Variants in PITPNM1 observed in about 807,000 individuals in gnomAD.
The protein encoded by PITPNM1 is membrane-associated phosphatidylinositol transfer protein 1.
A neutral mutation model predicts 133.3 loss-of-function variants in PITPNM1; 74 were observed. The ratio of observed to expected loss-of-function variants is 0.56; its 90% CI spans 0.46 to 0.67. The LOEUF is 0.67. PITPNM1 is among the 30% of genes least tolerant of loss of function. The pLI is 0.00. For synonymous variants in PITPNM1, 738 were observed against 741.4 expected, an observed-to-expected ratio of 1.00 and a Z score of 0.08; for missense variants, 1,398 against 1,739.5, an observed-to-expected ratio of 0.80 and a Z score of 3.49.
chr11:67,497,912 C>T lies in PITPNM1; in HGVS notation c.1782+5G>A. The T allele has an allele frequency of 1.9e-6, 3 of 1,610,174 alleles. No individual in the cohort carries two copies. The highest frequency in any genetic ancestry group is 2.5e-6 in the Non-Finnish European group (3 of 1,179,510). ...CCTGAGGAGGCCGGGTTTGGCTATACTGACCATGCTCCCACGGCGGCTGCT... is the reference window on the plus strand; with the variant it reads ...CCTGAGGAGGCCGGGTTTGGCTATATTGACCATGCTCCCACGGCGGCTGCT... On this transcript the variant is annotated splice_donor_5th_base_variant and intron_variant, in intron 12 of 23. Transcript: ENST00000356404.
chr11:67,498,621 C>A lies in PITPNM1; in HGVS notation c.1459G>T (p.Ala487Ser). Residue 487 changes from alanine to serine, a missense_variant, in exon 10 of 24, where the codon GCC (alanine) becomes TCC (serine). Physicochemically the swap from Ala to Ser is moderately conservative, Grantham distance 99. Coordinates refer to ENST00000356404, the MANE Select transcript of PITPNM1 (RefSeq NM_004910.3). This position sits in a 1 kb window ranked among gnomAD's most constrained non-coding sequence, Gnocchi z 5.7. Reference protein sequence around the residue: ...LRLVPCPPICAAAYALVSNLS... With the variant: ...LRLVPCPPICSAAYALVSNLS... Reference sequence around the variant, plus strand: ...TTGGAGACAAGGGCATAGGCGGCGGCGCAGATGGGTGGACAGGGCACCAGT... The same window carrying A: ...TTGGAGACAAGGGCATAGGCGGCGGAGCAGATGGGTGGACAGGGCACCAGT... 1 of 1,598,218 alleles carries A rather than the reference C, an allele frequency of 6.3e-7. No homozygotes were observed. Among genetic ancestry groups the A allele is most frequent in the South Asian group, 1.1e-5 (1 of 91,014 alleles).
intron 15 of PITPNM1, among the ~76,000 whole-genome samples, chr11:67,495,860 G>C (rs79308709): frequency 1.3e-5 from 2 of 152,202 alleles, no homozygotes; most frequent in African/African-American, 4.8e-5. Context: ...GGCATGCCCC[G>C]CAATAAATGT....
chr11:67,500,920 A>G (rs1565195366), intron 5 of PITPNM1, among the ~76,000 whole-genome samples: 1 of 152,266 alleles, frequency 6.6e-6, no homozygotes, highest in Non-Finnish European at 1.5e-5. Flanking sequence ...TCTAGGAAAT[A>G]AAGTAATGAT....
At chr11:67,499,861 G>A in intron 7 of PITPNM1, 31 bp from the exon 8 acceptor site, 1 of 1,590,364 alleles carries the variant, frequency 6.3e-7, no homozygotes, top group South Asian at 1.1e-5. Context: ...GTCATGGGGT[G>A]GGAGGAGCTG....
At position 67,502,594 on chromosome 11, in the gene PITPNM1, T is replaced by G. The variant is rs1565196697; in HGVS notation, c.203A>C (p.His68Pro). The G allele has an allele frequency of 6.2e-7, 1 of 1,613,642 alleles. No individual in the cohort carries two copies. Residue 68 changes from histidine to proline, a missense_variant, in exon 3 of 24, where the codon CAC (histidine) becomes CCC (proline). Transcript: ENST00000356404. The surrounding 1 kb of genome is among the most constrained non-coding windows in gnomAD (Gnocchi z 5.9). ...CAGTGCCCGGAACCAGCCTGGGATG[T>G]GGGAGCCCACGTGGTACACCTTGTG... ...YTHKVYHVGS[H>P]IPGWFRALLP...
intron 2 of PITPNM1, 119 bp downstream of exon 2, chr11:67,503,984 T>A (rs1866411964): frequency 8.8e-6 from 6 of 680,828 alleles, no homozygotes; most frequent in Non-Finnish European, 1.4e-5. Flanking sequence ...TTCCCACATC[T>A]GAAGGGGGGC....
At position 67,495,455 on chromosome 11, in the gene PITPNM1, G is replaced by A; in HGVS notation, c.2465C>T (p.Thr822Ile). 3.9e-6 allele frequency: 6 copies of A among 1,533,224 alleles called. No homozygotes were observed. The Middle Eastern group carries it at 1.0e-3, about 268-fold the overall frequency. The allele number at this position is 1,533,224 out of a possible 1,614,324, so 95.0% of individuals were successfully genotyped here. ...TGACTTACTCTTAACCACCTCACTG[G>A]TGGTGCTGGGGGCGGCTGGCTGGGC... ...PPAQPAAPST[T>I]SEVVKILERW... Residue 822 changes from threonine (T) to isoleucine (I), a missense_variant, in exon 16 of 24, where the codon ACC becomes ATC. Thr to Ile is a moderately conservative substitution (Grantham distance 89). Transcript: ENST00000356404.
At chr11:67,496,760 C>A in intron 14 of PITPNM1, 1 of 197,568 alleles carries the variant, frequency 5.1e-6, no homozygotes, top group Non-Finnish European at 1.0e-5. Context: ...CATGGCAAAA[C>A]CCTGTCTCTA....
rs549957324 is a variant in PITPNM1 at position 67,504,282 on chromosome 11, C to A, written c.-41-61G>T. 4.7e-5 allele frequency: 30 copies of A among 635,984 alleles called. No individual in the cohort carries two copies. The highest frequency in any genetic ancestry group is 4.7e-4 in the African/African-American group (24 of 51,540). 39.4% of individuals were successfully genotyped at this position (635,984 alleles called of 1,614,324 possible). On this transcript the variant is annotated intron_variant, in intron 1 of 23. Coordinates refer to ENST00000356404, the MANE Select transcript of PITPNM1 (RefSeq NM_004910.3). This position sits in a 1 kb window ranked among gnomAD's most constrained non-coding sequence, Gnocchi z 5.4. ...AGGCTGCGCGCGGCCCCGAGCCCTG[C>A]GCGCCGGCCGAGGGACTCAGGCCAC...
Position 67,502,900 on chromosome 11 carries a change from G to A in PITPNM1, c.79-182C>T, listed in dbSNP as rs963576953. ...AGAATCACAGATGCAGCCCAGCCCCGCATGGGGTCTGCAACCCAGCACTCA... is the reference window on the plus strand; with the variant it reads ...AGAATCACAGATGCAGCCCAGCCCCACATGGGGTCTGCAACCCAGCACTCA... On this transcript the variant is annotated intron_variant, in intron 2 of 23. Transcript: ENST00000356404. The surrounding 1 kb of genome is among the most constrained non-coding windows in gnomAD (Gnocchi z 5.9). Among the ~76,000 whole-genome samples the A allele has an allele frequency of 1.3e-5, 2 of 152,178 alleles. No homozygotes were observed. The highest frequency in any genetic ancestry group is 2.4e-5 in the African/African-American group (1 of 41,434).
Position 67,498,496 on chromosome 11 carries a change from ACCGACCCAGGTGTCT to A in PITPNM1, c.1484+85_1484+99del. ...CAGAACAGGTCCAGCCATGCCAGTGACCGACCCAGGTGTCTGGCTTCCTGACCCCTTCCCCGCTCC... is the reference window on the plus strand; with the variant it reads ...CAGAACAGGTCCAGCCATGCCAGTGAGGCTTCCTGACCCCTTCCCCGCTCC... On this transcript the variant is annotated intron_variant, in intron 10 of 23. Coordinates refer to ENST00000356404, the MANE Select transcript of PITPNM1 (RefSeq NM_004910.3). The surrounding 1 kb of genome is among the most constrained non-coding windows in gnomAD (Gnocchi z 5.7). 6.6e-7 allele frequency: 1 copy of A among 1,515,624 alleles called. No homozygotes were observed. Among genetic ancestry groups the A allele is most frequent in the African/African-American group, 1.4e-5 (1 of 73,194 alleles). 93.9% of individuals were successfully genotyped at this position (1,515,624 alleles called of 1,614,324 possible).
chr11:67,502,846 A>C lies in PITPNM1; in HGVS notation c.79-128T>G, dbSNP rs906406427. The C allele has an allele frequency of 1.2e-6, 1 of 838,278 alleles. No homozygotes were observed. The highest frequency in any genetic ancestry group is 1.8e-6 in the Non-Finnish European group (1 of 545,516). 51.9% of individuals were successfully genotyped at this position (838,278 alleles called of 1,614,324 possible). On this transcript the variant is annotated intron_variant, in intron 2 of 23. Transcript: ENST00000356404. The surrounding 1 kb of genome is among the most constrained non-coding windows in gnomAD (Gnocchi z 5.9). Reference sequence around the variant, plus strand: ...AGCCTTTTCAACTCCCTGAAACCAGACCCCGCCCCACCAAAGCTCCCTGGG... The same window carrying C: ...AGCCTTTTCAACTCCCTGAAACCAGCCCCCGCCCCACCAAAGCTCCCTGGG...
At chr11:67,503,134 G>C (rs566230806) in intron 2 of PITPNM1, among the ~76,000 whole-genome samples, 52 of 152,366 alleles carry the variant, frequency 3.4e-4, no homozygotes, top group East Asian at 5.8e-4. Context: ...GCCTAGAGTA[G>C]GGTATAGGTG....
At position 67,494,418 on chromosome 11, in the gene PITPNM1, G is replaced by C. The variant is rs1473036318; in HGVS notation, c.2743-58C>G. Reference sequence around the variant, plus strand: ...AGCAAAGGATGGGGATGCTTGGGGAGGGGGAGCGGGTGAGGATCCACACGC... The same window carrying C: ...AGCAAAGGATGGGGATGCTTGGGGACGGGGAGCGGGTGAGGATCCACACGC... On this transcript the variant is annotated intron_variant, in intron 18 of 23. Transcript: ENST00000356404. 9.6e-6 allele frequency: 12 copies of C among 1,255,978 alleles called. No homozygotes were observed. The South Asian group carries it at 1.1e-4, about 12-fold the overall frequency. The allele number at this position is 1,255,978 out of a possible 1,614,324, so 77.8% of individuals were successfully genotyped here.
chr11:67,495,046 C>T (rs775944422), intron 17 of PITPNM1, 31 bp downstream of exon 17: 2 of 1,611,720 alleles, frequency 1.2e-6, no homozygotes, highest in Non-Finnish European at 1.7e-6. Context: ...CCGTCCCATT[C>T]TCATCTCCCA....
Position 67,496,330 on chromosome 11 carries a change from G to A in PITPNM1, c.2165C>T (p.Ala722Val). The A allele has an allele frequency of 3.8e-6, 6 of 1,580,626 alleles. No homozygotes were observed. The highest frequency in any genetic ancestry group is 4.3e-6 in the Non-Finnish European group (5 of 1,168,514). The change falls in exon 15 of 24, where the codon GCC (alanine) becomes GTC (valine). Residue 722 changes from alanine to valine, a missense_variant. By Grantham distance (64) the Ala-to-Val change is moderately conservative (BLOSUM62 0). This residue lies in a region of PITPNM1 where 574 missense variants were observed against 698.7 expected (regional missense o/e 0.82). Coordinates refer to ENST00000356404, the MANE Select transcript of PITPNM1 (RefSeq NM_004910.3). ...GAAGAGGTTGTAGATCTGTTCACAG[G>A]CTGGGCGCATCTGGGCTGCTGGTAC... ...PALEAAQMRP[A>V]CEQIYNLFHA...
intron 5 of PITPNM1, among the ~76,000 whole-genome samples, 195 bp from the exon 6 acceptor site, chr11:67,500,616 C>G (rs1422648031): frequency 6.6e-6 from 1 of 152,234 alleles, no homozygotes; most frequent in East Asian, 1.9e-4. Flanking sequence ...TGACTCCCCC[C>G]CGCCCACTGC....
chr11:67,500,231 C>T lies in PITPNM1; in HGVS notation c.831G>A (p.Glu277=), dbSNP rs1250542210. The change falls in exon 6 of 24, where the codon GAG becomes GAA. Residue 277 remains glutamate (E), a synonymous_variant. Coordinates refer to ENST00000356404, the MANE Select transcript of PITPNM1 (RefSeq NM_004910.3). ...EAQPPGKPST[E]ARSAASNTGT... ...CAGTGTTGCTGGCCGCAGACCGGGC[C>T]TCGGTGCTCGGTTTCCCGGGGGGCT... The T allele has an allele frequency of 6.2e-7, 1 of 1,604,816 alleles. No individual in the cohort carries two copies. The highest frequency in any genetic ancestry group is 1.7e-5 in the Admixed American group (1 of 59,974).
rs747993844 is a variant in PITPNM1, at chr11:67,497,943, G to C, written c.1756C>G (p.Arg586Gly). ...ATGCTCCCACGGCGGCTGCTGCCCC[G>C]ACTCCCGGTGCCCGCGTTAGCACTG... The part of the protein sequence containing the change: ...CHSANAGTGS[R>G]GSSRRGSMNN... Residue 586 changes from arginine to glycine, a missense_variant, in exon 12 of 24, where the codon CGG becomes GGG. Physicochemically the swap from Arg to Gly is moderately radical, Grantham distance 125. Coordinates refer to ENST00000356404, the MANE Select transcript of PITPNM1 (RefSeq NM_004910.3). 15 of 1,611,018 alleles carry C rather than the reference G, an allele frequency of 9.3e-6. No homozygotes were observed. The highest frequency in any genetic ancestry group is 1.3e-5 in the Non-Finnish European group (15 of 1,179,936).
Sources: gnomAD v4.1 joint callset for allele counts (sites outside exome capture counted in the v4.1 genomes callset) on GRCh38, gnomAD v4.1.1 for gene constraint, gnomAD v4.1.1 regional missense constraint, Gnocchi (gnomAD v3.1) non-coding constraint, MANE v1.5 for transcripts, NCBI Gene and HGNC (gene_info 2026-07-23, HGNC 2026-07-21) for gene names.